The following PPP1R9A variants were observed in gnomAD, a reference collection of about 807,000 sequenced individuals.
The protein encoded by PPP1R9A is protein phosphatase 1 regulatory subunit 9A.
PPP1R9A carries 59 observed loss-of-function variants against 141.9 expected under a neutral mutation model. The observed-to-expected ratio is 0.42, with a 90% CI of 0.34 to 0.52. PPP1R9A has a LOEUF of 0.52. Among genes scored for constraint, PPP1R9A ranks in the 20% least tolerant of loss-of-function variants. The pLI is 0.10. For missense variants in PPP1R9A, 1,444 were observed against 1,611.9 expected, an observed-to-expected ratio of 0.90 and a Z score of 1.78; for synonymous variants, 500 against 569.7, an observed-to-expected ratio of 0.88 and a Z score of 1.74.
At chr7:95,102,470 C>A (rs374627299) in intron 2 of PPP1R9A, among the ~76,000 whole-genome samples, 1 of 152,126 alleles carries the variant, frequency 6.6e-6, no homozygotes, top group Non-Finnish European at 1.5e-5. Flanking sequence ...GTATCATAAT[C>A]GATCCTACCT....
intron 6 of PPP1R9A, chr7:95,202,631 G>C (rs1458065086): frequency 1.1e-6 from 1 of 899,484 alleles, no homozygotes; most frequent in Non-Finnish European, 1.3e-6. Flanking sequence ...TGACACTCGG[G>C]GGGTATGATA....
intron 2 of PPP1R9A, among the ~76,000 whole-genome samples, chr7:94,927,938 A>G (rs1376665573): frequency 6.6e-6 from 1 of 152,170 alleles, no homozygotes; most frequent in African/African-American, 2.4e-5. Context: ...ACTTTTTGAG[A>G]ATGAAAGGGG....
intron 2 of PPP1R9A, among the ~76,000 whole-genome samples, chr7:95,031,833 T>C (rs1250669358): frequency 6.6e-6 from 1 of 151,980 alleles, no homozygotes; most frequent in Admixed American, 6.6e-5. Context: ...GACTAATTCA[T>C]ATGTAATTAT....
At chr7:95,127,945 T>C (rs1823874526) in intron 4 of PPP1R9A, among the ~76,000 whole-genome samples, 1 of 152,228 alleles carries the variant, frequency 6.6e-6, no homozygotes, top group Non-Finnish European at 1.5e-5. Flanking sequence ...GTTGGTTCTG[T>C]GTCTTTGCTG....
intron 10 of PPP1R9A, among the ~76,000 whole-genome samples, chr7:95,250,829 T>C (rs1798774916): frequency 6.6e-6 from 1 of 152,048 alleles, no homozygotes; most frequent in African/African-American, 2.4e-5. Context: ...TGCTTTTGAT[T>C]TTCAACAGCT....
chr7:94,945,433 G>A (rs1795792375), intron 2 of PPP1R9A, among the ~76,000 whole-genome samples: 1 of 152,028 alleles, frequency 6.6e-6, no homozygotes, highest in African/African-American at 2.4e-5. Flanking sequence ...ATTAGGGAGA[G>A]TATTTAAATA....
At position 95,131,646 on chromosome 7, in the gene PPP1R9A, T is replaced by C. The variant is rs529633669; in HGVS notation, c.1649+10814T>C. Among the ~76,000 whole-genome samples the C allele has an allele frequency of 5.3e-5, 8 of 152,162 alleles. No individual in the cohort carries two copies. The East Asian group carries it at 1.5e-3, about 29-fold the overall frequency. On this transcript the variant is annotated intron_variant, in intron 4 of 19. Transcript: ENST00000433360. ...GGTTCTATATGAATTTTAACTTTTT[T>C]TTTTTTTTGTCTTTCAGGAGGTAGG...
At position 94,911,324 on chromosome 7, in the gene PPP1R9A, A is replaced by C. The variant is rs761074322; in HGVS notation, c.1211A>C (p.Tyr404Ser). The change falls in exon 2 of 20, where the codon TAT becomes TCT. Residue 404 changes from tyrosine (Y) to serine (S), a missense_variant. By Grantham distance (144) the Tyr-to-Ser change is moderately radical. Around this residue, in one of 5 missense-constraint regions of PPP1R9A, gnomAD observed 490 missense variants for 521.1 expected, o/e 0.94. Coordinates refer to ENST00000433360, the MANE Select transcript of PPP1R9A (RefSeq NM_001166160.2). ...TACATGCACAGTGACTATAATGTGT[A>C]TAGGGTGAGATCCAGGTATAATTCA... ...HVYMHSDYNV[Y>S]RVRSRYNSDW... 6.2e-7 allele frequency: 1 copy of C among 1,614,048 alleles called. No homozygotes were observed. Among genetic ancestry groups the C allele is most frequent in the Non-Finnish European group, 8.5e-7 (1 of 1,180,036 alleles).
chr7:95,051,452 A>G lies in PPP1R9A; in HGVS notation c.1396-59807A>G, dbSNP rs145371438. On this transcript the variant is annotated intron_variant, in intron 2 of 19. Transcript: ENST00000433360. The stretch of plus-strand genomic sequence containing the variant: ...TGTTCTTCTCCTTCAGTATTGTGTT[A>G]ATTATTCTGGGTCTTTTGTTTCTCC... Among the ~76,000 whole-genome samples, 8 of 152,158 alleles carry G rather than the reference A, an allele frequency of 5.3e-5. No homozygotes were observed. In the East Asian group the frequency reaches 1.4e-3, roughly 26 times the overall value.
Position 94,909,992 on chromosome 7 carries a change from G to A in PPP1R9A, c.-122G>A, listed in dbSNP as rs927456362. The A allele has an allele frequency of 1.4e-5, 11 of 777,338 alleles. No homozygotes were observed. Among genetic ancestry groups the A allele is most frequent in the East Asian group, 5.2e-5 (2 of 38,236 alleles). The allele number at this position is 777,338 out of a possible 1,614,324, so 48.2% of individuals were successfully genotyped here. A position where few individuals can be genotyped will look rare whatever the true frequency, so the allele number is the denominator to read the frequency against. On this transcript the variant is annotated 5_prime_UTR_variant, in exon 2 of 20. Transcript: ENST00000433360. ...ACCTGTTGGGACGATCACTGACACC[G>A]TATACCATTTGAGAGGTACTTTTCT...
chr7:94,987,642 A>G (rs1801010467), intron 2 of PPP1R9A, among the ~76,000 whole-genome samples: 1 of 152,180 alleles, frequency 6.6e-6, no homozygotes, highest in African/African-American at 2.4e-5. Flanking sequence ...AACCATTGAA[A>G]GGGATATTTA....
chr7:95,226,125 C>A lies in PPP1R9A; in HGVS notation c.2112+9C>A, dbSNP rs761190363. On this transcript the variant is annotated intron_variant, in intron 8 of 19. Coordinates refer to ENST00000433360, the MANE Select transcript of PPP1R9A (RefSeq NM_001166160.2). ...GTCACAAGTTCAAAGAGGTATGCCA[C>A]TAAGCTGCAAAATATTTCTTTATGC... is the stretch of plus-strand genomic sequence containing the variant. The A allele has an allele frequency of 6.2e-7, 1 of 1,606,198 alleles. No homozygotes were observed. Among genetic ancestry groups the A allele is most frequent in the African/African-American group, 1.3e-5 (1 of 74,772 alleles).
intron 4 of PPP1R9A, among the ~76,000 whole-genome samples, chr7:95,152,148 C>T (rs2152665187): frequency 6.6e-6 from 1 of 151,826 alleles, no homozygotes; most frequent in Non-Finnish European, 1.5e-5. Flanking sequence ...GACGGGGTTT[C>T]ACCATGTTGG....
chr7:95,022,263 C>A (rs1024023607), intron 2 of PPP1R9A, among the ~76,000 whole-genome samples: 1 of 152,052 alleles, frequency 6.6e-6, no homozygotes, highest in African/African-American at 2.4e-5. Flanking sequence ...CATGACTTGC[C>A]TCTCTGTTTG....
intron 2 of PPP1R9A, among the ~76,000 whole-genome samples, chr7:95,072,561 G>A (rs946032562): frequency 7.3e-6 from 1 of 136,118 alleles, no homozygotes; most frequent in African/African-American, 2.7e-5. Context: ...GTCAGAATTA[G>A]CAGGCAATAT....
At chr7:94,986,972 T>C (rs751636143) in intron 2 of PPP1R9A, among the ~76,000 whole-genome samples, 3 of 152,204 alleles carry the variant, frequency 2.0e-5, no homozygotes, top group Non-Finnish European at 4.4e-5. Flanking sequence ...GCCTTTGGTG[T>C]GGAGCTGTTC....
intron 4 of PPP1R9A, among the ~76,000 whole-genome samples, chr7:95,130,090 G>C (rs1824311039): frequency 6.6e-6 from 1 of 152,174 alleles, no homozygotes; most frequent in African/African-American, 2.4e-5. Flanking sequence ...AGACAATGGG[G>C]GAAAATGTCT....
At chr7:95,047,916 TAATA>T (rs1474877082) in intron 2 of PPP1R9A, among the ~76,000 whole-genome samples, 3 of 152,184 alleles carry the variant, frequency 2.0e-5, no homozygotes, top group African/African-American at 7.2e-5. Flanking sequence ...ACATGCTGGT[TAATA>T]AATCTTTCCT....
intron 2 of PPP1R9A, among the ~76,000 whole-genome samples, chr7:95,088,659 A>G (rs1400839415): frequency 6.6e-6 from 1 of 151,988 alleles, no homozygotes; most frequent in Non-Finnish European, 1.5e-5. Context: ...CCAGTTAAAT[A>G]CTAGGTAGGA....
Sources: gnomAD v4.1 joint callset for allele counts (sites outside exome capture counted in the v4.1 genomes callset) on GRCh38, gnomAD v4.1.1 for gene constraint, gnomAD v4.1.1 regional missense constraint, MANE v1.5 for transcripts, NCBI Gene and HGNC (gene_info 2026-07-23, HGNC 2026-07-21) for gene names.